TMEM120B: variants seen among roughly 807,000 people sequenced by gnomAD.
TMEM120B encodes the protein transmembrane protein 120B.
In TMEM120B, 31 loss-of-function variants were observed where a neutral mutation model predicts 55.5. The ratio of observed to expected loss-of-function variants is 0.56; its 90% CI spans 0.42 to 0.75. TMEM120B has a LOEUF of 0.75. Ranked by LOEUF, TMEM120B falls within the 30% of genes least tolerant of loss-of-function variation. TMEM120B has a pLI of 0.00. For missense variants in TMEM120B, 399 were observed against 425.5 expected, an observed-to-expected ratio of 0.94 and a Z score of 0.55; for synonymous variants, 203 against 176.3, an observed-to-expected ratio of 1.15 and a Z score of -1.20.
intron 1 of TMEM120B, among the ~76,000 whole-genome samples, chr12:121,716,324 AGAG>A (rs1368213986): frequency 1.3e-5 from 2 of 150,176 alleles, no homozygotes; most frequent in Non-Finnish European, 3.0e-5. Context: ...AAAAAAAAAA[AGAG>A]ATTTGTTGGG....
chr12:121,761,616 C>A, intron 5 of TMEM120B, 33 bp from the exon 6 acceptor site: 1 of 1,574,504 alleles, frequency 6.4e-7, no homozygotes, highest in Non-Finnish European at 8.7e-7. Context: ...TTCTCACGCC[C>A]GCACCCCTCC....
chr12:121,751,659 C>A (rs968976920), intron 4 of TMEM120B, among the ~76,000 whole-genome samples: 4 of 150,286 alleles, frequency 2.7e-5, no homozygotes, highest in East Asian at 3.9e-4. Flanking sequence ...CCTCCCCTCC[C>A]TCCCCTCCCT....
intron 8 of TMEM120B, among the ~76,000 whole-genome samples, chr12:121,772,884 G>A (rs1025924364): frequency 2.0e-5 from 3 of 152,192 alleles, no homozygotes; most frequent in Non-Finnish European, 4.4e-5. Flanking sequence ...TCATAAATAG[G>A]TATATACATG....
In TMEM120B at chr12:121,761,742, C is replaced by G. The variant is rs185823657; in HGVS notation, c.551+4C>G. ...TTCTCATCAGCAACGGCTCAAGGTA[C>G]CTGGGCACCTGGCTTTGTGGGGAGC... On this transcript the variant is annotated splice_donor_region_variant and intron_variant, in intron 6 of 11. Coordinates refer to ENST00000449592, the MANE Select transcript of TMEM120B (RefSeq NM_001080825.2). 1.9e-6 allele frequency: 3 copies of G among 1,612,252 alleles called. No homozygotes were observed. In the South Asian group the frequency reaches 3.3e-5, roughly 18 times the overall value.
At chr12:121,748,517 C>T (rs572605585) in intron 3 of TMEM120B, 75 bp downstream of exon 3, 27 of 966,796 alleles carry the variant, frequency 2.8e-5, no homozygotes, top group South Asian at 9.7e-5. Context: ...ATATAACTCT[C>T]GCCTTCCTGC....
In TMEM120B at chr12:121,775,053, C is replaced by T. The variant is rs376148123; in HGVS notation, c.838-9C>T. On this transcript the variant is annotated splice_polypyrimidine_tract_variant and intron_variant, in intron 10 of 11. Coordinates refer to ENST00000449592, the MANE Select transcript of TMEM120B (RefSeq NM_001080825.2). This position sits in a 1 kb window ranked among gnomAD's most constrained non-coding sequence, Gnocchi z 4.3. The stretch of plus-strand genomic sequence containing the variant: ...CTGGTGGGTGAGCAGCGCCTGCCTT[C>T]CTCTCCAGTTCTGGCAGCTCTACAA... The T allele has an allele frequency of 1.7e-5, 27 of 1,613,166 alleles. No individual in the cohort carries two copies. The South Asian group carries it at 2.4e-4, about 14-fold the overall frequency.
chr12:121,759,779 T>C (rs1281424661), intron 5 of TMEM120B, among the ~76,000 whole-genome samples: 1 of 150,942 alleles, frequency 6.6e-6, no homozygotes, highest in African/African-American at 2.4e-5. Flanking sequence ...GGTGAATCAC[T>C]TGTGGTCAGG....
At chr12:121,757,524 A>AT (rs145493961) in intron 5 of TMEM120B, among the ~76,000 whole-genome samples, 2 of 142,238 alleles carry the variant, frequency 1.4e-5, no homozygotes, top group Non-Finnish European at 3.0e-5. Flanking sequence ...ATTATTATTT[A>AT]TTTTTTTTTT....
Position 121,773,408 on chromosome 12 carries a change from G to A in TMEM120B, c.680-13G>A, listed in dbSNP as rs760587902. 8 of 1,605,438 alleles carry A rather than the reference G, an allele frequency of 5.0e-6. No individual in the cohort carries two copies. The South Asian group carries it at 7.8e-5, about 16-fold the overall frequency. The stretch of plus-strand genomic sequence containing the variant: ...ACCAGGCCCTGAGCCCAGGTGCTGT[G>A]CTCCCCCTGCAGGCTGCGTCCAGTT... On this transcript the variant is annotated splice_polypyrimidine_tract_variant and intron_variant, in intron 8 of 11. Coordinates refer to ENST00000449592, the MANE Select transcript of TMEM120B (RefSeq NM_001080825.2).
chr12:121,721,160 C>T (rs1894782500), intron 1 of TMEM120B, among the ~76,000 whole-genome samples: 1 of 152,148 alleles, frequency 6.6e-6, no homozygotes, highest in Non-Finnish European at 1.5e-5. Context: ...GCTCACAGAG[C>T]TCATGTGAGC....
At chr12:121,719,691 A>G (rs1161284751) in intron 1 of TMEM120B, among the ~76,000 whole-genome samples, 1 of 151,718 alleles carries the variant, frequency 6.6e-6, no homozygotes, top group Non-Finnish European at 1.5e-5. Context: ...ATGTTAGGCC[A>G]CACTGCATTC....
In TMEM120B at chr12:121,733,491, G is replaced by T. The variant is rs1033479246; in HGVS notation, c.70-10138G>T. Among the ~76,000 whole-genome samples the T allele has an allele frequency of 3.3e-5, 5 of 149,346 alleles. No homozygotes were observed. The South Asian group carries it at 8.5e-4, about 25-fold the overall frequency. ...GATCTCCTGACCTCATGATCCGCCC[G>T]CCTCGGCCTCCCAAAGTGCTGGGAT... On this transcript the variant is annotated intron_variant, in intron 1 of 11. Coordinates refer to ENST00000449592, the MANE Select transcript of TMEM120B (RefSeq NM_001080825.2).
chr12:121,731,279 T>C (rs1566509442), intron 1 of TMEM120B, among the ~76,000 whole-genome samples: 1 of 152,208 alleles, frequency 6.6e-6, no homozygotes, highest in Non-Finnish European at 1.5e-5. Flanking sequence ...TCAGGCGTAG[T>C]CTTGCTTTGT....
rs1874350705 is a variant in TMEM120B, at chr12:121,779,250, G to C, written c.*3528G>C. On this transcript the variant is annotated 3_prime_UTR_variant, in exon 12 of 12. Transcript: ENST00000449592. ...GGGGGTGGCTGTGATGAGGGCACTT[G>C]CGAGTCCCGACAACAGACACTGGCT... 1.8e-6 allele frequency: 1 copy of C among 547,762 alleles called. No homozygotes were observed. Among genetic ancestry groups the C allele is most frequent in the Non-Finnish European group, 3.3e-6 (1 of 304,152 alleles). 33.9% of individuals were successfully genotyped at this position (547,762 alleles called of 1,614,324 possible). A position where few individuals can be genotyped will look rare whatever the true frequency, so the allele number is the denominator to read the frequency against.
At chr12:121,736,657 C>T (rs1324774755) in intron 1 of TMEM120B, among the ~76,000 whole-genome samples, 1 of 152,188 alleles carries the variant, frequency 6.6e-6, no homozygotes, top group Non-Finnish European at 1.5e-5. Context: ...TCAAGCAATC[C>T]TCCTGCCTCA....
intron 6 of TMEM120B, among the ~76,000 whole-genome samples, chr12:121,769,733 T>TGTG (rs1219446395): frequency 6.6e-6 from 1 of 151,774 alleles, no homozygotes; most frequent in African/African-American, 2.4e-5. Flanking sequence ...TGTGTGTGTG[T>TGTG]GTGTACATGC....
At chr12:121,740,485 TA>T (rs893954465) in intron 1 of TMEM120B, among the ~76,000 whole-genome samples, 17 of 143,512 alleles carry the variant, frequency 1.2e-4, no homozygotes, top group East Asian at 2.0e-4. Flanking sequence ...GACTCTGTCT[TA>T]AAAAAAAAAA....
chr12:121,775,050 C>G lies in TMEM120B; in HGVS notation c.838-12C>G. ...AGTCTGGTGGGTGAGCAGCGCCTGC[C>G]TTCCTCTCCAGTTCTGGCAGCTCTA... On this transcript the variant is annotated splice_polypyrimidine_tract_variant and intron_variant, in intron 10 of 11. Transcript: ENST00000449592. The surrounding 1 kb of genome is among the most constrained non-coding windows in gnomAD (Gnocchi z 4.3). 6.2e-7 allele frequency: 1 copy of G among 1,612,890 alleles called. No homozygotes were observed. The highest frequency in any genetic ancestry group is 8.5e-7 in the Non-Finnish European group (1 of 1,179,824).
rs764687480 is a variant in TMEM120B, at chr12:121,743,733, G to A, written c.174G>A (p.Lys58=). 1.2e-5 allele frequency: 20 copies of A among 1,612,776 alleles called. No homozygotes were observed. The highest frequency in any genetic ancestry group is 1.2e-4 in the South Asian group (11 of 91,052). ...AGAAGAAGCACCTCAAGGACTTGAAGCTTACACTCCAGAGGTAGGTGCAGC... is the reference window on the plus strand; with the variant it reads ...AGAAGAAGCACCTCAAGGACTTGAAACTTACACTCCAGAGGTAGGTGCAGC... ...SKQKKHLKDL[K]LTLQRCKRHA... The change falls in exon 2 of 12, where the codon AAG becomes AAA. Residue 58 remains lysine (K), a synonymous_variant. Transcript: ENST00000449592.
Sources: allele counts gnomAD v4.1 joint callset (sites outside exome capture counted in the v4.1 genomes callset), GRCh38; gene constraint gnomAD v4.1.1; non-coding constraint Gnocchi (gnomAD v3.1); transcripts MANE v1.5; gene names NCBI Gene and HGNC (gene_info 2026-07-23, HGNC 2026-07-21).